VPS13D: variants seen among roughly 807,000 people sequenced by gnomAD.
VPS13D encodes the protein vacuolar protein sorting 13 homolog D, also known as intermembrane lipid transfer protein VPS13D.
Under a neutral mutation model 461.9 loss-of-function variants are expected in VPS13D, and 187 were observed. That is an observed-to-expected ratio of 0.40 (90% CI 0.36 to 0.46). The LOEUF is 0.46. VPS13D is among the 20% of genes least tolerant of loss of function. The probability of loss-of-function intolerance (pLI) is 0.60; values close to 1 mark genes in which losing one functional copy is unlikely to be tolerated. For synonymous variants in VPS13D, 1,951 were observed against 1,986.3 expected, an observed-to-expected ratio of 0.98 and a Z score of 0.47; for missense variants, 4,711 against 5,364.9, an observed-to-expected ratio of 0.88 and a Z score of 3.81.
chr1:12,290,930 C>A, intron 22 of VPS13D, 68 bp from the exon 23 acceptor site: 2 of 1,459,040 alleles, frequency 1.4e-6, no homozygotes, highest in South Asian at 1.5e-5. Flanking sequence ...AGCTTTTGTT[C>A]CAGACATATT....
At position 12,356,031 on chromosome 1, in the gene VPS13D, G is replaced by A; in HGVS notation, c.9812G>A (p.Arg3271Gln). 2 of 1,613,942 alleles carry A rather than the reference G, an allele frequency of 1.2e-6. No individual in the cohort carries two copies. The highest frequency in any genetic ancestry group is 1.7e-6 in the Non-Finnish European group (2 of 1,179,934). Residue 3271 changes from arginine (R) to glutamine (Q), a missense_variant, in exon 48 of 70, where the codon CGA becomes CAA. This residue lies in a region of VPS13D where 4,411 missense variants were observed against 4,937.8 expected (regional missense o/e 0.89). Transcript: ENST00000620676. ...QLNLTIRIVC[R>Q]AEGSLKIFIS... Reference sequence around the variant, plus strand: ...AACCTCACCATCCGGATTGTGTGTCGAGCAGAAGGATCCTTAAAGATCTTC... The same window carrying A: ...AACCTCACCATCCGGATTGTGTGTCAAGCAGAAGGATCCTTAAAGATCTTC...
In VPS13D at chr1:12,345,469, T is replaced by C; in HGVS notation, c.8981T>C (p.Phe2994Ser). 1 of 1,613,802 alleles carries C rather than the reference T, an allele frequency of 6.2e-7. No homozygotes were observed. The highest frequency in any genetic ancestry group is 8.5e-7 in the Non-Finnish European group (1 of 1,179,730). ...PVSVDKVGTF[F>S]RYAAPDKNSS... ...TCTGTGGACAAAGTCGGGACCTTTT[T>C]TCGATATGCAGCACCAGATAAAAAT... Residue 2994 changes from phenylalanine (F) to serine (S), a missense_variant, in exon 43 of 70, where the codon TTT (phenylalanine) becomes TCT (serine). Physicochemically the swap from Phe to Ser is radical, Grantham distance 155 (BLOSUM62 -2). Coordinates refer to ENST00000620676, the MANE Select transcript of VPS13D (RefSeq NM_015378.4).
Position 12,477,792 on chromosome 1 carries a change from A to G in VPS13D, c.12662+17396A>G, listed in dbSNP as rs1645653196. Among the ~76,000 whole-genome samples, 3 of 152,152 alleles carry G rather than the reference A, an allele frequency of 2.0e-5. No homozygotes were observed. The South Asian group carries it at 6.2e-4, about 31-fold the overall frequency. Reference sequence around the variant, plus strand: ...CCCTTATAGCCAAAGACCGAAAAATAAATTTTTTTTTTCTACATTAAAAAT... The same window carrying G: ...CCCTTATAGCCAAAGACCGAAAAATGAATTTTTTTTTTCTACATTAAAAAT... On this transcript the variant is annotated intron_variant, in intron 67 of 69. Transcript: ENST00000620676.
At position 12,383,109 on chromosome 1, in the gene VPS13D, T is replaced by C. The variant is rs199736880; in HGVS notation, c.11324T>C (p.Met3775Thr). 8.9e-5 allele frequency: 143 copies of C among 1,614,104 alleles called. No individual in the cohort carries two copies. Among genetic ancestry groups the C allele is most frequent in the Non-Finnish European group, 6.9e-5 (82 of 1,180,040 alleles). ...INQKMRPGSG[M>T]LSIRVIPDGP... ...CAAAAAATGAGACCTGGTTCTGGAA[T>C]GTTATCCATCAGAGTCATCCCAGAT... Residue 3775 changes from methionine to threonine, a missense_variant, in exon 58 of 70, where the codon ATG becomes ACG. Around this residue, in one of 3 missense-constraint regions of VPS13D, gnomAD observed 4,411 missense variants for 4,937.8 expected, o/e 0.89. Transcript: ENST00000620676.
rs759153779 is a variant in VPS13D at position 12,348,840 on chromosome 1, A to G, written c.9087A>G (p.Pro3029=). The G allele has an allele frequency of 1.6e-5, 26 of 1,614,044 alleles. No individual in the cohort carries two copies. The highest frequency in any genetic ancestry group is 1.8e-5 in the Non-Finnish European group (21 of 1,180,034). ...TTTCACAGTTCTCTTCACTCCCACC[A>G]GTGCGGGTGGTCTTTGCAGTGACTA... is the stretch of plus-strand genomic sequence containing the variant. ...HPQVYFSSLP[P]VRVVFAVTME... is the part of the protein sequence containing the mutation. Residue 3029 remains proline, a synonymous_variant, in exon 45 of 70, where the codon CCA becomes CCG. Transcript: ENST00000620676.
At chr1:12,249,182 C>T in intron 5 of VPS13D, 41 bp from the exon 6 acceptor site, 1 of 1,455,320 alleles carries the variant, frequency 6.9e-7, no homozygotes, top group Non-Finnish European at 9.6e-7. Flanking sequence ...GAACACTATT[C>T]TGCAGGTGCA....
chr1:12,349,804 C>T (rs916437411), intron 46 of VPS13D, among the ~76,000 whole-genome samples: 1 of 152,134 alleles, frequency 6.6e-6, no homozygotes, highest in Non-Finnish European at 1.5e-5. Flanking sequence ...TTCTTGAGAA[C>T]TTTGACAAAA....
intron 65 of VPS13D, among the ~76,000 whole-genome samples, chr1:12,428,463 G>A (rs977147738): frequency 3.3e-5 from 5 of 152,186 alleles, no homozygotes; most frequent in African/African-American, 1.2e-4. Flanking sequence ...CAAAAACTAG[G>A]AGCCACATTG....
intron 66 of VPS13D, among the ~76,000 whole-genome samples, chr1:12,458,331 G>A (rs927033343): frequency 6.6e-6 from 1 of 152,182 alleles, no homozygotes; most frequent in Non-Finnish European, 1.5e-5. Flanking sequence ...GCTGGACCCA[G>A]GTTCAGTCAT....
chr1:12,500,607 A>G (rs1309315066), intron 68 of VPS13D, among the ~76,000 whole-genome samples: 1 of 152,124 alleles, frequency 6.6e-6, no homozygotes, highest in East Asian at 1.9e-4. Flanking sequence ...GACAATTTAA[A>G]TTGTACTTTT....
At chr1:12,433,477 T>A (rs1200649309) in intron 65 of VPS13D, among the ~76,000 whole-genome samples, 1 of 152,166 alleles carries the variant, frequency 6.6e-6, no homozygotes. Flanking sequence ...GTTAACACTT[T>A]TGCTTTTTCG....
chr1:12,353,409 T>A (rs570248824), intron 46 of VPS13D, among the ~76,000 whole-genome samples: 2 of 151,718 alleles, frequency 1.3e-5, no homozygotes, highest in East Asian at 3.9e-4. Flanking sequence ...GGTGGTCGCC[T>A]GTAGTCCCAG....
chr1:12,388,927 T>C (rs1332502405), intron 60 of VPS13D, among the ~76,000 whole-genome samples: 1 of 152,152 alleles, frequency 6.6e-6, no homozygotes, highest in Non-Finnish European at 1.5e-5. Flanking sequence ...GGAATAGATT[T>C]CAAAGTAAAG....
intron 60 of VPS13D, among the ~76,000 whole-genome samples, chr1:12,397,301 G>A (rs1481449112): frequency 6.6e-6 from 1 of 152,174 alleles, no homozygotes; most frequent in Non-Finnish European, 1.5e-5. Context: ...AAATAATCAG[G>A]TTTGTACTTT....
rs201339134 is a variant in VPS13D, at chr1:12,379,590, C to A, written c.11184C>A (p.Val3728=). The change falls in exon 57 of 70, where the codon GTC becomes GTA. Residue 3728 remains valine, a synonymous_variant. Transcript: ENST00000620676. ...GKLTCGLHGL[V]VQAKGGLSGL... is the part of the protein sequence containing the mutation. ...TGACCTGTGGGTTACATGGGTTGGT[C>A]GTCCAGGTCAGTCGTTTTTGATCCC... The A allele has an allele frequency of 1.9e-6, 3 of 1,612,222 alleles. No homozygotes were observed. Among genetic ancestry groups the A allele is most frequent in the South Asian group, 2.2e-5 (2 of 90,648 alleles).
At chr1:12,488,652 A>G (rs1645834534) in intron 67 of VPS13D, among the ~76,000 whole-genome samples, 1 of 145,894 alleles carries the variant, frequency 6.9e-6, no homozygotes, top group Non-Finnish European at 1.5e-5. Flanking sequence ...AGGCTAAGGC[A>G]GGAAAATCAT....
rs1381936689 is a variant in VPS13D, at chr1:12,473,062, C to G, written c.12662+12666C>G. On this transcript the variant is annotated intron_variant, in intron 67 of 69. Transcript: ENST00000620676. This position sits in a 1 kb window ranked among gnomAD's most constrained non-coding sequence, Gnocchi z 4.2. Reference sequence around the variant, plus strand: ...AGGAACATGAAAGAAATAGCACACCCTACGGTAGTGACATGGCCCTGTCAC... The same window carrying G: ...AGGAACATGAAAGAAATAGCACACCGTACGGTAGTGACATGGCCCTGTCAC... 6.6e-6 allele frequency among the ~76,000 whole-genome samples: 1 copy of G among 152,162 alleles called. No homozygotes were observed. Among genetic ancestry groups the G allele is most frequent in the Non-Finnish European group, 1.5e-5 (1 of 68,038 alleles).
intron 21 of VPS13D, among the ~76,000 whole-genome samples, chr1:12,286,587 A>G (rs1641982432): frequency 6.6e-6 from 1 of 152,180 alleles, no homozygotes; most frequent in Non-Finnish European, 1.5e-5. Flanking sequence ...GACTTCTTTT[A>G]TCCTCTATTT....
At position 12,353,906 on chromosome 1, in the gene VPS13D, TAGCTA is replaced by T. The variant is rs542854209; in HGVS notation, c.9432-65_9432-61del. The T allele has an allele frequency of 3.4e-4, 521 of 1,515,220 alleles. No homozygotes were observed. The African/African-American group carries it at 6.2e-3, about 18-fold the overall frequency. The allele number at this position is 1,515,220 out of a possible 1,614,324, so 93.9% of individuals were successfully genotyped here. A position where few individuals can be genotyped will look rare whatever the true frequency, so the allele number is the denominator to read the frequency against. On this transcript the variant is annotated intron_variant, in intron 46 of 69. Coordinates refer to ENST00000620676, the MANE Select transcript of VPS13D (RefSeq NM_015378.4). ...TCTTAATGTTATTCTTTCTCATACT[TAGCTA>T]AGGAGAAAAAATTTAAGTTCTTCAT...
Sources: gnomAD v4.1 joint callset for allele counts (sites outside exome capture counted in the v4.1 genomes callset) on GRCh38, gnomAD v4.1.1 for gene constraint, gnomAD v4.1.1 regional missense constraint, Gnocchi (gnomAD v3.1) non-coding constraint, MANE v1.5 for transcripts, NCBI Gene and HGNC (gene_info 2026-07-23, HGNC 2026-07-21) for gene names.